The following ANAPC1 variants were observed in gnomAD, a reference collection of about 807,000 sequenced individuals.
ANAPC1 encodes the protein anaphase-promoting complex subunit 1.
A neutral mutation model predicts 208.0 loss-of-function variants in ANAPC1; 36 were observed. That is an observed-to-expected ratio of 0.17 (90% CI 0.13 to 0.23). ANAPC1 has a LOEUF of 0.23. ANAPC1 is among the 10% of genes least tolerant of loss of function. The pLI, the probability that ANAPC1 is intolerant of heterozygous loss-of-function variation, is 1.00. For missense variants in ANAPC1, 942 were observed against 2,011.6 expected (o/e 0.47, Z 10.17); for synonymous variants, 378 against 695.2 (o/e 0.54, Z 7.18).
At chr2:111,817,696 GTATAAT>G (rs1044555816) in intron 27 of ANAPC1, among the ~76,000 whole-genome samples, 2 of 146,286 alleles carry the variant, frequency 1.4e-5, no homozygotes, top group African/African-American at 2.5e-5. Flanking sequence ...TTAAAATACT[GTATAAT>G]TATGTTTGCA....
chr2:111,842,690 T>C (rs190104740), intron 17 of ANAPC1, among the ~76,000 whole-genome samples: 469 of 149,288 alleles, frequency 3.1e-3, no homozygotes, highest in African/African-American at 0.011. Flanking sequence ...CTAAAACATA[T>C]AGAATGGTAC....
chr2:111,858,291 A>C lies in ANAPC1; in HGVS notation c.1358+15T>G. 1 of 1,596,314 alleles carries C rather than the reference A, an allele frequency of 6.3e-7. No individual in the cohort carries two copies. The highest frequency in any genetic ancestry group is 8.6e-7 in the Non-Finnish European group (1 of 1,168,002). Reference sequence around the variant, plus strand: ...AGTTATTTATACAGAAACAATGGGAAAGACATACACCTACCGTAACTGGAG... The same window carrying C: ...AGTTATTTATACAGAAACAATGGGACAGACATACACCTACCGTAACTGGAG... On this transcript the variant is annotated intron_variant, in intron 11 of 47. Transcript: ENST00000341068.
chr2:111,856,959 C>A, intron 11 of ANAPC1, 73 bp from the exon 12 acceptor site: 1 of 1,172,988 alleles, frequency 8.5e-7, no homozygotes, highest in Non-Finnish European at 1.2e-6. Context: ...TTATACTGAA[C>A]AGAAAAAGAC....
intron 3 of ANAPC1, 109 bp downstream of exon 3, chr2:111,878,701 C>T: frequency 7.1e-7 from 1 of 1,415,366 alleles, no homozygotes; most frequent in Admixed American, 2.3e-5. Context: ...GTACACCCAG[C>T]TGCTGAGATC....
In ANAPC1 at chr2:111,880,742, G is replaced by A; in HGVS notation, c.84C>T (p.Cys28=). ...GGTTCAAAGCATTAGGGTGGTGCTTGCAGTGGTCTCGACCAAAAGGAACAA... is the reference window on the plus strand; with the variant it reads ...GGTTCAAAGCATTAGGGTGGTGCTTACAGTGGTCTCGACCAAAAGGAACAA... ...QEFVPFGRDH[C]KHHPNALNLQ... is the part of the protein sequence containing the mutation. Residue 28 remains cysteine (C), a synonymous_variant, in exon 2 of 48, where the codon TGC becomes TGT. Coordinates refer to ENST00000341068, the MANE Select transcript of ANAPC1 (RefSeq NM_022662.4). 1 of 1,613,928 alleles carries A rather than the reference G, an allele frequency of 6.2e-7. No individual in the cohort carries two copies. Among genetic ancestry groups the A allele is most frequent in the Non-Finnish European group, 8.5e-7 (1 of 1,179,866 alleles).
At position 111,847,839 on chromosome 2, in the gene ANAPC1, T is replaced by C. The variant is rs1235008533; in HGVS notation, c.1677A>G (p.Glu559=). Residue 559 remains glutamate, a synonymous_variant, in exon 15 of 48, where the codon GAA becomes GAG. Transcript: ENST00000341068. ...CATGAAGTTTTGAAGAATCCCTCAG[T>C]TCTGGAACTGGGGACAACAGAACAA... is the stretch of plus-strand genomic sequence containing the variant. The part of the protein sequence containing the change: ...DEVVLLSPVP[E]LRDSSKLHDS... 6.3e-7 allele frequency: 1 copy of C among 1,592,600 alleles called. No homozygotes were observed. Among genetic ancestry groups the C allele is most frequent in the Non-Finnish European group, 8.5e-7 (1 of 1,172,790 alleles).
At chr2:111,767,467 C>T (rs1249683144), downstream of ANAPC1, among the ~76,000 whole-genome samples, 1 of 152,108 alleles carries the variant, frequency 6.6e-6, no homozygotes, top group Admixed American at 6.6e-5. Context: ...GGGCTGACTT[C>T]CCAGCCTCCC....
chr2:111,783,057 C>G (rs924759091), intron 42 of ANAPC1, among the ~76,000 whole-genome samples: 5 of 151,900 alleles, frequency 3.3e-5, no homozygotes, highest in Non-Finnish European at 7.4e-5. Context: ...AATAACTGCA[C>G]GTGATTATTT....
intron 21 of ANAPC1, among the ~76,000 whole-genome samples, chr2:111,828,080 A>C (rs989241089): frequency 3.9e-5 from 6 of 152,194 alleles, no homozygotes; most frequent in Admixed American, 6.5e-5. Context: ...AAAAATGCCT[A>C]AACTTGAAAA....
At chr2:111,842,743 T>A (rs1274662879) in intron 17 of ANAPC1, among the ~76,000 whole-genome samples, 2 of 151,778 alleles carry the variant, frequency 1.3e-5, no homozygotes, top group African/African-American at 2.4e-5. Context: ...TCTAGAGTGA[T>A]TTTTTTTCAG....
intron 7 of ANAPC1, among the ~76,000 whole-genome samples, chr2:111,867,020 G>A (rs551080875): frequency 2.0e-4 from 31 of 152,156 alleles, no homozygotes; most frequent in South Asian, 1.9e-3. Flanking sequence ...TGTTGGGTGC[G>A]GTGGCTCACG....
chr2:111,857,954 T>C (rs2104544016), intron 11 of ANAPC1, among the ~76,000 whole-genome samples: 1 of 117,822 alleles, frequency 8.5e-6, no homozygotes, highest in East Asian at 2.4e-4. Context: ...AAAGGTACAC[T>C]GTGTGTACAT....
chr2:111,798,391 G>A (rs2140056), intron 34 of ANAPC1, among the ~76,000 whole-genome samples: 1 of 152,100 alleles, frequency 6.6e-6, no homozygotes, highest in Admixed American at 6.5e-5. Flanking sequence ...CAAGGCAGAG[G>A]GTACCTTACC....
At chr2:111,827,878 A>G (rs1679923296) in intron 21 of ANAPC1, among the ~76,000 whole-genome samples, 2 of 152,300 alleles carry the variant, frequency 1.3e-5, no homozygotes, top group South Asian at 2.1e-4. Flanking sequence ...AATTAAATTC[A>G]TATTTTTATA....
intron 28 of ANAPC1, among the ~76,000 whole-genome samples, chr2:111,810,541 T>C (rs1678928152): frequency 6.6e-6 from 1 of 151,090 alleles, no homozygotes; most frequent in South Asian, 2.1e-4. Flanking sequence ...GAGTTTAGTT[T>C]GCCAGAGAGC....
chr2:111,828,588 A>G (rs920218209), intron 21 of ANAPC1, among the ~76,000 whole-genome samples: 1 of 152,246 alleles, frequency 6.6e-6, no homozygotes, highest in Non-Finnish European at 1.5e-5. Flanking sequence ...ATATCCATAC[A>G]ATGGAATACT....
chr2:111,833,034 T>G (rs1457753217), intron 20 of ANAPC1, among the ~76,000 whole-genome samples, 186 bp downstream of exon 20: 1 of 151,520 alleles, frequency 6.6e-6, no homozygotes, highest in Non-Finnish European at 1.5e-5. Flanking sequence ...CCCTATACAC[T>G]GAAGATATTA....
intron 16 of ANAPC1, among the ~76,000 whole-genome samples, chr2:111,844,323 C>T (rs1406129702): frequency 6.6e-6 from 1 of 151,722 alleles, no homozygotes; most frequent in East Asian, 1.9e-4. Flanking sequence ...AATCTAAGCA[C>T]TTTGCGAGGT....
At chr2:111,819,362 A>C in intron 26 of ANAPC1, 2 of 580,464 alleles carry the variant, frequency 3.4e-6, no homozygotes, top group African/African-American at 2.4e-5. Context: ...TCCTCAGTAC[A>C]TGTGGGATCC....
Sources: allele counts gnomAD v4.1 joint callset (sites outside exome capture counted in the v4.1 genomes callset), GRCh38; gene constraint gnomAD v4.1.1; transcripts MANE v1.5; gene names NCBI Gene and HGNC (gene_info 2026-07-23, HGNC 2026-07-21).